Variants in PPM1H observed in about 807,000 individuals in gnomAD.
The protein encoded by PPM1H is protein phosphatase 1H.
PPM1H carries 27 observed loss-of-function variants against 54.9 expected under a neutral mutation model. The ratio of observed to expected loss-of-function variants is 0.49; its 90% CI spans 0.36 to 0.68. The LOEUF is 0.68. Ranked by LOEUF, PPM1H falls within the 30% of genes least tolerant of loss-of-function variation. The pLI is 0.00. For missense variants in PPM1H, 596 were observed against 667.8 expected, an observed-to-expected ratio of 0.89 and a Z score of 1.19; for synonymous variants, 305 against 270.8, an observed-to-expected ratio of 1.13 and a Z score of -1.24.
chr12:62,853,260 A>C (rs1330354792), intron 1 of PPM1H, among the ~76,000 whole-genome samples: 1 of 152,168 alleles, frequency 6.6e-6, no homozygotes. Context: ...ATTTAGGGAG[A>C]TAAAGCAAAC....
chr12:62,658,212 T>TTTTTAAAA (rs768288538), intron 9 of PPM1H, among the ~76,000 whole-genome samples: 1 of 130,538 alleles, frequency 7.7e-6, no homozygotes, highest in South Asian at 2.6e-4. Context: ...TTTTTTTTTT[T>TTTTTAAAA]AAGTAAAAAA....
At chr12:62,842,291 A>G (rs1868780642) in intron 1 of PPM1H, among the ~76,000 whole-genome samples, 2 of 152,230 alleles carry the variant, frequency 1.3e-5, no homozygotes, top group South Asian at 4.1e-4. Context: ...TTTATTTACC[A>G]GCTGTATCAG....
At chr12:62,915,491 T>C (rs1871593668) in intron 1 of PPM1H, among the ~76,000 whole-genome samples, 1 of 152,222 alleles carries the variant, frequency 6.6e-6, no homozygotes, top group South Asian at 2.1e-4. Flanking sequence ...TATTACCTTT[T>C]CTGTAGCAAA....
intron 1 of PPM1H, among the ~76,000 whole-genome samples, chr12:62,851,602 C>T (rs1194876205): frequency 6.6e-6 from 1 of 152,050 alleles, no homozygotes; most frequent in Non-Finnish European, 1.5e-5. Flanking sequence ...ACTTGGGAGG[C>T]TGAGGCAGGA....
At chr12:62,651,039 C>G (rs2075813300) in intron 9 of PPM1H, among the ~76,000 whole-genome samples, 1 of 152,188 alleles carries the variant, frequency 6.6e-6, no homozygotes, top group Non-Finnish European at 1.5e-5. Flanking sequence ...TGCACCTGAG[C>G]TTTTTAGGTT....
At chr12:62,768,043 G>A (rs1233140553) in intron 4 of PPM1H, among the ~76,000 whole-genome samples, 1 of 152,152 alleles carries the variant, frequency 6.6e-6, no homozygotes, top group African/African-American at 2.4e-5. Flanking sequence ...CAGGTGCTGG[G>A]GGTTAGGACT....
chr12:62,729,903 A>T (rs2076310673), intron 5 of PPM1H, among the ~76,000 whole-genome samples: 1 of 152,112 alleles, frequency 6.6e-6, no homozygotes. Context: ...CTGCACGTAC[A>T]CATCCAGATG....
chr12:62,797,093 G>T (rs1391900147), intron 3 of PPM1H, among the ~76,000 whole-genome samples: 1 of 152,120 alleles, frequency 6.6e-6, no homozygotes, highest in Non-Finnish European at 1.5e-5. Context: ...TCCATTGAGG[G>T]ACAAGACAAA....
At chr12:62,735,314 T>A (rs2076344549) in intron 5 of PPM1H, among the ~76,000 whole-genome samples, 1 of 151,960 alleles carries the variant, frequency 6.6e-6, no homozygotes, top group African/African-American at 2.4e-5. Flanking sequence ...TGGGCTCAAG[T>A]GATCCTCCCA....
At chr12:62,770,710 A>G (rs2076574243) in intron 4 of PPM1H, among the ~76,000 whole-genome samples, 1 of 152,206 alleles carries the variant, frequency 6.6e-6, no homozygotes, top group African/African-American at 2.4e-5. Context: ...AAACTTTGAC[A>G]CAGAAAAGCA....
At position 62,667,252 on chromosome 12, in the gene PPM1H, G is replaced by C; in HGVS notation, c.1323C>G (p.Asp441Glu). The C allele has an allele frequency of 6.3e-7, 1 of 1,598,724 alleles. No homozygotes were observed. Residue 441 changes from aspartate (D) to glutamate (E), a missense_variant, in exon 9 of 10, where the codon GAC becomes GAG. Physicochemically the swap from Asp to Glu is conservative, Grantham distance 45. Around this residue, in one of 3 missense-constraint regions of PPM1H, gnomAD observed 208 missense variants for 259.5 expected, o/e 0.80. Transcript: ENST00000228705. ...VLILATDGLW[D>E]VLSNEEVAEA... ...CTGCTACTTCTTCATTTGATAAAAC[G>C]TCCCAGAGTCCATCAGTGGCCAAGA...
intron 2 of PPM1H, among the ~76,000 whole-genome samples, chr12:62,802,553 A>C (rs566855341): frequency 2.9e-5 from 4 of 137,236 alleles, no homozygotes; most frequent in Non-Finnish European, 6.2e-5. Context: ...TGAACACCTA[A>C]CTCCTTAACT....
In PPM1H at chr12:62,645,205, A is replaced by G. The variant is rs945391036; in HGVS notation, c.*3284T>C. On this transcript the variant is annotated 3_prime_UTR_variant, in exon 10 of 10. Transcript: ENST00000228705. The stretch of plus-strand genomic sequence containing the variant: ...TCTGAGGCTAAATCTGGATCCTGGG[A>G]CTCTCATTCTTGCCCACCACCATCT... 5 of 151,950 alleles carry G rather than the reference A, an allele frequency of 3.3e-5. No homozygotes were observed. Among genetic ancestry groups the G allele is most frequent in the Admixed American group, 6.6e-5 (1 of 15,250 alleles). 9.4% of individuals were successfully genotyped at this position (151,950 alleles called of 1,614,324 possible).
At chr12:62,658,542 A>G (rs1261525457) in intron 9 of PPM1H, among the ~76,000 whole-genome samples, 2 of 152,150 alleles carry the variant, frequency 1.3e-5, no homozygotes, top group Admixed American at 1.3e-4. Flanking sequence ...TTTGCATCAG[A>G]AAACCCTTTC....
At chr12:62,771,813 T>G (rs1026977008) in intron 4 of PPM1H, among the ~76,000 whole-genome samples, 1 of 152,138 alleles carries the variant, frequency 6.6e-6, no homozygotes, top group Non-Finnish European at 1.5e-5. Context: ...CCACCATTCC[T>G]CCCCACACCC....
At position 62,934,464 on chromosome 12, in the gene PPM1H, G is replaced by A; in HGVS notation, c.245+28C>T. 6.6e-7 allele frequency: 1 copy of A among 1,520,672 alleles called. No homozygotes were observed. Among genetic ancestry groups the A allele is most frequent in the Non-Finnish European group, 8.8e-7 (1 of 1,135,448 alleles). 94.2% of individuals were successfully genotyped at this position (1,520,672 alleles called of 1,614,324 possible). On this transcript the variant is annotated intron_variant, in intron 1 of 9. Transcript: ENST00000228705. This position sits in a 1 kb window ranked among gnomAD's most constrained non-coding sequence, Gnocchi z 4.2. Reference sequence around the variant, plus strand: ...GCGGGGAAGGGCCGCGAGGAGAGCAGGGGCGCCGCCGGTGTCGCTGCACTC... The same window carrying A: ...GCGGGGAAGGGCCGCGAGGAGAGCAAGGGCGCCGCCGGTGTCGCTGCACTC...
At chr12:62,931,319 C>T (rs913125717) in intron 1 of PPM1H, among the ~76,000 whole-genome samples, 4 of 152,184 alleles carry the variant, frequency 2.6e-5, no homozygotes, top group Non-Finnish European at 5.9e-5. Context: ...CTCTCAGGTA[C>T]CTTCTAGTAC....
intron 1 of PPM1H, among the ~76,000 whole-genome samples, chr12:62,928,538 C>T (rs960672910): frequency 3.3e-5 from 5 of 152,184 alleles, no homozygotes; most frequent in African/African-American, 4.8e-5. Flanking sequence ...CCTACTCTCT[C>T]CCCCTTCTCC....
intron 1 of PPM1H, among the ~76,000 whole-genome samples, chr12:62,850,557 A>C (rs1232161042): frequency 1.3e-5 from 2 of 151,058 alleles, no homozygotes; most frequent in Non-Finnish European, 3.0e-5. Flanking sequence ...TGTAAAAAGC[A>C]AAAAAATCCC....
Sources: allele counts gnomAD v4.1 joint callset (sites outside exome capture counted in the v4.1 genomes callset), GRCh38; gene constraint gnomAD v4.1.1; regional missense constraint gnomAD v4.1.1; non-coding constraint Gnocchi (gnomAD v3.1); transcripts MANE v1.5; gene names NCBI Gene and HGNC (gene_info 2026-07-23, HGNC 2026-07-21).